Variants in PRKCE observed in about 807,000 individuals in gnomAD.
The protein encoded by PRKCE is protein kinase C epsilon type.
A neutral mutation model predicts 85.4 loss-of-function variants in PRKCE; 16 were observed. The ratio of observed to expected loss-of-function variants is 0.19; its 90% CI spans 0.13 to 0.28. The LOEUF is 0.28. PRKCE is among the 10% of genes least tolerant of loss of function. The pLI, the probability that PRKCE is intolerant of heterozygous loss-of-function variation, is 1.00. For synonymous variants in PRKCE, 388 were observed against 371.5 expected (o/e 1.04, Z -0.51); for missense variants, 573 against 975.2 (o/e 0.59, Z 5.49).
intron 1 of PRKCE, among the ~76,000 whole-genome samples, chr2:45,670,192 G>A (rs928485399): frequency 3.3e-5 from 5 of 152,124 alleles, no homozygotes; most frequent in African/African-American, 1.2e-4. Context: ...AATGGGATTT[G>A]AATTTTAGGA....
chr2:45,826,787 C>T (rs1424755841), intron 1 of PRKCE, among the ~76,000 whole-genome samples: 1 of 152,200 alleles, frequency 6.6e-6, no homozygotes, highest in African/African-American at 2.4e-5. Context: ...CCCTGCCTCC[C>T]CTCCTTATCT....
At chr2:45,672,489 G>A (rs1195886975) in intron 1 of PRKCE, among the ~76,000 whole-genome samples, 2 of 152,198 alleles carry the variant, frequency 1.3e-5, no homozygotes, top group African/African-American at 4.8e-5. Flanking sequence ...CAGCCAGACA[G>A]CCTGTCAGTT....
chr2:45,749,319 A>T (rs1453575998), intron 1 of PRKCE, among the ~76,000 whole-genome samples: 1 of 152,226 alleles, frequency 6.6e-6, no homozygotes, highest in Non-Finnish European at 1.5e-5. Context: ...CTATAAGCAA[A>T]TTCTGTAGTG....
intron 2 of PRKCE, among the ~76,000 whole-genome samples, chr2:45,939,351 A>G (rs999114325): frequency 3.9e-5 from 6 of 152,106 alleles, no homozygotes; most frequent in African/African-American, 1.2e-4. Context: ...TCATTCCCTG[A>G]TGTCTTACTG....
At chr2:45,965,953 C>G (rs1701701859) in intron 2 of PRKCE, among the ~76,000 whole-genome samples, 1 of 152,040 alleles carries the variant, frequency 6.6e-6, no homozygotes, top group South Asian at 2.1e-4. Context: ...CCTCAGCTTT[C>G]TTTTCTAAGT....
intron 11 of PRKCE, among the ~76,000 whole-genome samples, chr2:46,104,490 C>G (rs552325055): frequency 2.7e-5 from 4 of 150,214 alleles, no homozygotes; most frequent in African/African-American, 1.0e-4. Context: ...CCCTTCCAGA[C>G]TTTCATGATG....
intron 2 of PRKCE, among the ~76,000 whole-genome samples, chr2:45,879,671 C>A (rs1358410558): frequency 6.6e-6 from 1 of 152,230 alleles, no homozygotes; most frequent in Non-Finnish European, 1.5e-5. Flanking sequence ...TCTCACCTGC[C>A]TGCTCCCCCT....
chr2:45,771,439 G>A (rs1033139230), intron 1 of PRKCE, among the ~76,000 whole-genome samples: 10 of 152,166 alleles, frequency 6.6e-5, no homozygotes, highest in Non-Finnish European at 1.3e-4. Flanking sequence ...AGCGGGTGGA[G>A]ATGGAGAACC....
chr2:46,185,349 C>T lies in PRKCE; in HGVS notation c.*468C>T, dbSNP rs1277128083. The T allele has an allele frequency of 6.4e-6, 1 of 156,712 alleles. No homozygotes were observed. The highest frequency in any genetic ancestry group is 1.4e-5 in the Non-Finnish European group (1 of 70,944). The allele number at this position is 156,712 out of a possible 1,614,324, so 9.7% of individuals were successfully genotyped here. A position where few individuals can be genotyped will look rare whatever the true frequency, so the allele number is the denominator to read the frequency against. ...CTGCCCTTCTGTCCTGGAGAAGAGA[C>T]TGGTGCTTCTCCGCACACACGAGGG... On this transcript the variant is annotated 3_prime_UTR_variant, in exon 15 of 15. Transcript: ENST00000306156. The surrounding 1 kb of genome is among the most constrained non-coding windows in gnomAD (Gnocchi z 4.7).
At chr2:45,857,908 T>C (rs1340386510) in intron 2 of PRKCE, among the ~76,000 whole-genome samples, 1 of 152,230 alleles carries the variant, frequency 6.6e-6, no homozygotes, top group Non-Finnish European at 1.5e-5. Context: ...ATGGCCGTTG[T>C]AAATGGTGCC....
intron 10 of PRKCE, among the ~76,000 whole-genome samples, chr2:46,038,904 G>A (rs1410068055): frequency 6.6e-6 from 1 of 152,138 alleles, no homozygotes; most frequent in Non-Finnish European, 1.5e-5. Flanking sequence ...TTCAGGTTGG[G>A]AATCAGACCT....
chr2:45,827,107 C>T (rs939396631), intron 1 of PRKCE, among the ~76,000 whole-genome samples: 3 of 152,220 alleles, frequency 2.0e-5, no homozygotes, highest in Non-Finnish European at 4.4e-5. Flanking sequence ...GCTCTCTGAC[C>T]TCATCTCCAA....
chr2:45,967,750 C>T (rs1701829526), intron 2 of PRKCE, among the ~76,000 whole-genome samples: 1 of 151,934 alleles, frequency 6.6e-6, no homozygotes, highest in Non-Finnish European at 1.5e-5. Context: ...CTGCTCCTCT[C>T]AGCTTGAGGT....
intron 1 of PRKCE, among the ~76,000 whole-genome samples, chr2:45,836,259 G>A (rs1030357770): frequency 1.3e-5 from 2 of 152,176 alleles, no homozygotes; most frequent in Admixed American, 1.3e-4. Context: ...TGAGAAAAAC[G>A]ATCTGCCCCT....
chr2:46,016,245 T>C (rs914182410), intron 10 of PRKCE, among the ~76,000 whole-genome samples: 1 of 152,170 alleles, frequency 6.6e-6, no homozygotes, highest in Non-Finnish European at 1.5e-5. Context: ...ACAAGACTTT[T>C]ATGGCAGGAC....
intron 2 of PRKCE, among the ~76,000 whole-genome samples, chr2:45,910,957 G>C (rs886620987): frequency 2.6e-5 from 4 of 152,166 alleles, no homozygotes; most frequent in African/African-American, 9.7e-5. Context: ...GGAGGAGAAT[G>C]GGAGACTGGG....
chr2:46,032,382 G>A (rs1191252070), intron 10 of PRKCE, among the ~76,000 whole-genome samples: 1 of 152,098 alleles, frequency 6.6e-6, no homozygotes, highest in Non-Finnish European at 1.5e-5. Flanking sequence ...TATGGAATGA[G>A]CCCTGGCACC....
intron 7 of PRKCE, among the ~76,000 whole-genome samples, chr2:46,002,030 T>A (rs1704727637): frequency 6.6e-6 from 1 of 152,186 alleles, no homozygotes. Flanking sequence ...GGAATATTGT[T>A]AATGTCTCAC....
At chr2:45,678,035 C>A in intron 1 of PRKCE, 1 of 333,852 alleles carries the variant, frequency 3.0e-6, no homozygotes, top group Non-Finnish European at 4.3e-6. Context: ...GTTGGTGGTT[C>A]TACACCGAGC....
Sources: gnomAD v4.1 joint callset for allele counts (sites outside exome capture counted in the v4.1 genomes callset) on GRCh38, gnomAD v4.1.1 for gene constraint, Gnocchi (gnomAD v3.1) non-coding constraint, MANE v1.5 for transcripts, NCBI Gene and HGNC (gene_info 2026-07-23, HGNC 2026-07-21) for gene names.